The following PLD4 variants were observed in gnomAD, a reference collection of about 807,000 sequenced individuals.
PLD4 encodes the protein 5'-3' exonuclease PLD4.
Under a neutral mutation model 52.3 loss-of-function variants are expected in PLD4, and 54 were observed. The ratio of observed to expected loss-of-function variants is 1.03; its 90% CI spans 0.83 to 1.30. The LOEUF (loss-of-function observed/expected upper bound fraction) is 1.30, where lower values mean the gene tolerates loss of function less well. Among genes scored for constraint, PLD4 ranks in the 50% most tolerant of loss-of-function variants. The pLI, the probability that PLD4 is intolerant of heterozygous loss-of-function variation, is 0.00. For synonymous variants in PLD4, 264 were observed against 286.5 expected (o/e 0.92, Z 0.79); for missense variants, 731 against 671.1 (o/e 1.09, Z -0.99).
chr14:104,925,881 C>T (rs982470502), intron 1 of PLD4, among the ~76,000 whole-genome samples: 1 of 152,156 alleles, frequency 6.6e-6, no homozygotes, highest in South Asian at 2.1e-4. Context: ...TGGCCTGAGT[C>T]CCCTGTCCCC....
intron 1 of PLD4, among the ~76,000 whole-genome samples, chr14:104,925,990 G>A (rs538321240): frequency 3.5e-4 from 53 of 152,232 alleles, no homozygotes; most frequent in African/African-American, 1.2e-3. Flanking sequence ...TGGCATTTCC[G>A]CCCCATGCTG....
chr14:104,927,103 A>G, intron 1 of PLD4, 38 bp from the exon 2 acceptor site: 2 of 1,515,484 alleles, frequency 1.3e-6, no homozygotes, highest in East Asian at 2.5e-5. Flanking sequence ...TTCTGGGCAG[A>G]GCTGGAGCTG....
In PLD4 at chr14:104,932,618, C is replaced by A; in HGVS notation, c.1322-147C>A. The stretch of plus-strand genomic sequence containing the variant: ...ACCAGCTGTCCCTCCCGCACCTAAG[C>A]GAGGGGCTTCCCCGGCTGGAGTCTG... On this transcript the variant is annotated intron_variant, in intron 10 of 10. Coordinates refer to ENST00000392593, the MANE Select transcript of PLD4 (RefSeq NM_138790.5). The surrounding 1 kb of genome is among the most constrained non-coding windows in gnomAD (Gnocchi z 6.5). The A allele has an allele frequency of 2.2e-6, 2 of 905,436 alleles. No homozygotes were observed. Among genetic ancestry groups the A allele is most frequent in the Non-Finnish European group, 3.3e-6 (2 of 605,730 alleles). 56.1% of individuals were successfully genotyped at this position (905,436 alleles called of 1,614,324 possible).
intron 4 of PLD4, 146 bp from the exon 5 acceptor site, chr14:104,929,161 C>A: frequency 7.4e-7 from 1 of 1,360,256 alleles, no homozygotes. Context: ...CAGTTTGGCT[C>A]TCACCAAGGG....
chr14:104,930,207 T>A, intron 6 of PLD4, 102 bp downstream of exon 6: 2 of 1,475,418 alleles, frequency 1.4e-6, no homozygotes, highest in Non-Finnish European at 1.8e-6. Flanking sequence ...GAGAAAGTCG[T>A]GTAGTCCTGT....
chr14:104,931,971 GC>G (rs1302607845), intron 8 of PLD4, 40 bp from the exon 9 acceptor site: 4 of 1,536,028 alleles, frequency 2.6e-6, no homozygotes, highest in Middle Eastern at 1.7e-4. Flanking sequence ...CCCCTATCGG[GC>G]CCGGCTTGTA....
intron 3 of PLD4, among the ~76,000 whole-genome samples, 191 bp downstream of exon 3, chr14:104,928,057 C>G (rs777287061): frequency 1.5e-4 from 23 of 152,078 alleles, no homozygotes; most frequent in Non-Finnish European, 2.9e-4. Flanking sequence ...GCGTGTGGTG[C>G]TTTTTGCAGC....
In PLD4 at chr14:104,929,447, T is replaced by C; in HGVS notation, c.589+20T>C. The stretch of plus-strand genomic sequence containing the variant: ...CCCGAGGTGGGTACCTGCACCATGC[T>C]GGGCACCACTGCCCTAGCGTCGGGC... On this transcript the variant is annotated intron_variant, in intron 5 of 10. Transcript: ENST00000392593. The C allele has an allele frequency of 1.3e-6, 2 of 1,537,000 alleles. No individual in the cohort carries two copies. Among genetic ancestry groups the C allele is most frequent in the Non-Finnish European group, 1.8e-6 (2 of 1,138,748 alleles).
chr14:104,933,155 C>T lies in PLD4; in HGVS notation c.*191C>T. ...TCCGAGTCCAGCCCCCCCTGAGCCC[C>T]ACCTCCTCCAGGGAGCCCTCCAGGA... On this transcript the variant is annotated 3_prime_UTR_variant, in exon 11 of 11. Transcript: ENST00000392593. 1 of 620,490 alleles carries T rather than the reference C, an allele frequency of 1.6e-6. No homozygotes were observed. Among genetic ancestry groups the T allele is most frequent in the Non-Finnish European group, 2.6e-6 (1 of 379,752 alleles). 38.4% of individuals were successfully genotyped at this position (620,490 alleles called of 1,614,324 possible). A position where few individuals can be genotyped will look rare whatever the true frequency, so the allele number is the denominator to read the frequency against.
rs1168175799 is a variant in PLD4, at chr14:104,932,632, G to C, written c.1322-133G>C. The C allele has an allele frequency of 1.0e-6, 1 of 987,778 alleles. No individual in the cohort carries two copies. Among genetic ancestry groups the C allele is most frequent in the African/African-American group, 1.7e-5 (1 of 60,538 alleles). The allele number at this position is 987,778 out of a possible 1,614,324, so 61.2% of individuals were successfully genotyped here. The stretch of plus-strand genomic sequence containing the variant: ...CCGCACCTAAGCGAGGGGCTTCCCC[G>C]GCTGGAGTCTGATGACAGTGGAGGG... On this transcript the variant is annotated intron_variant, in intron 10 of 10. Coordinates refer to ENST00000392593, the MANE Select transcript of PLD4 (RefSeq NM_138790.5). This position sits in a 1 kb window ranked among gnomAD's most constrained non-coding sequence, Gnocchi z 6.5.
chr14:104,932,373 A>C lies in PLD4; in HGVS notation c.1321+18A>C. The C allele has an allele frequency of 6.2e-7, 1 of 1,611,074 alleles. No homozygotes were observed. Among genetic ancestry groups the C allele is most frequent in the Non-Finnish European group, 8.5e-7 (1 of 1,178,816 alleles). On this transcript the variant is annotated intron_variant, in intron 10 of 10. Transcript: ENST00000392593. This position sits in a 1 kb window ranked among gnomAD's most constrained non-coding sequence, Gnocchi z 6.5. ...CTACATAGGTGAGCGCGATCAGATC[A>C]CGGCGGGCGGGCCCCAGGGTGGCCA...
At position 104,932,398 on chromosome 14, in the gene PLD4, A is replaced by G; in HGVS notation, c.1321+43A>G. 1 of 1,589,038 alleles carries G rather than the reference A, an allele frequency of 6.3e-7. No homozygotes were observed. Among genetic ancestry groups the G allele is most frequent in the Non-Finnish European group, 8.6e-7 (1 of 1,160,056 alleles). On this transcript the variant is annotated intron_variant, in intron 10 of 10. Coordinates refer to ENST00000392593, the MANE Select transcript of PLD4 (RefSeq NM_138790.5). This position sits in a 1 kb window ranked among gnomAD's most constrained non-coding sequence, Gnocchi z 6.5. ...ACGGCGGGCGGGCCCCAGGGTGGCC[A>G]GGCACGGGCGAGGGAGGCACTGGCT...
chr14:104,935,616 G>A (rs761598469), downstream of PLD4: 3 of 152,190 alleles, frequency 2.0e-5, no homozygotes, highest in Non-Finnish European at 4.4e-5. Context: ...AGAGGTAAGG[G>A]GATGTCACTC....
At chr14:104,928,497 C>T (rs534267234) in intron 3 of PLD4, among the ~76,000 whole-genome samples, 6 of 152,334 alleles carry the variant, frequency 3.9e-5, no homozygotes, top group Non-Finnish European at 8.8e-5. Context: ...GACCAGGCAG[C>T]CCCTCTCAGG....
chr14:104,925,773 G>C (rs563544076), intron 1 of PLD4, among the ~76,000 whole-genome samples: 1 of 152,156 alleles, frequency 6.6e-6, no homozygotes, highest in Admixed American at 6.5e-5. Flanking sequence ...TCTGTGGGGT[G>C]GGGGGAGCAT....
intron 6 of PLD4, among the ~76,000 whole-genome samples, chr14:104,930,444 T>C (rs1326958007): frequency 6.6e-6 from 1 of 152,210 alleles, no homozygotes; most frequent in East Asian, 1.9e-4. Context: ...TGGTTATCAC[T>C]TGACAGTGGG....
At chr14:104,935,203 G>T (rs1477087642), downstream of PLD4, 2 of 152,290 alleles carry the variant, frequency 1.3e-5, no homozygotes, top group Non-Finnish European at 2.9e-5. Context: ...TTTGCTCCCT[G>T]GTTCTTGGCC....
At chr14:104,929,494 A>G in intron 5 of PLD4, 67 bp downstream of exon 5, 1 of 1,481,294 alleles carries the variant, frequency 6.8e-7, no homozygotes, top group East Asian at 2.5e-5. Context: ...GGCTGGCACC[A>G]CAGGACAAGG....
intron 6 of PLD4, 24 bp from the exon 7 acceptor site, chr14:104,930,718 A>T: frequency 6.2e-7 from 1 of 1,612,626 alleles, no homozygotes; most frequent in South Asian, 1.1e-5. Flanking sequence ...TTTCTCCCAC[A>T]GCGCCTGACT....
Sources: allele counts gnomAD v4.1 joint callset (sites outside exome capture counted in the v4.1 genomes callset), GRCh38; gene constraint gnomAD v4.1.1; non-coding constraint Gnocchi (gnomAD v3.1); transcripts MANE v1.5; gene names NCBI Gene and HGNC (gene_info 2026-07-23, HGNC 2026-07-21).